Variants in XXYLT1 observed in about 807,000 individuals in gnomAD.
XXYLT1 encodes the protein xyloside xylosyltransferase 1, also known as UDP-xylose:alpha-xyloside alpha-1,3-xylosyltransferase.
A neutral mutation model predicts 28.9 loss-of-function variants in XXYLT1; 20 were observed. That is an observed-to-expected ratio of 0.69 (90% CI 0.49 to 1.00). XXYLT1 has a LOEUF of 1.00. XXYLT1 is among the 50% of genes least tolerant of loss of function. The probability of loss-of-function intolerance (pLI) is 0.00; values close to 1 mark genes in which losing one functional copy is unlikely to be tolerated. For synonymous variants in XXYLT1, 257 were observed against 253.8 expected (o/e 1.01, Z -0.12); for missense variants, 542 against 560.1 (o/e 0.97, Z 0.33).
rs1726016783 is a variant in XXYLT1 at position 195,271,140 on chromosome 3, C to G, written c.-82G>C. ...CCGGACGCCGGCGGCCACTTAGCCC[C>G]GGCGCCAGGCGGCGGCCATGAAAGG... On this transcript the variant is annotated 5_prime_UTR_variant, in exon 1 of 4. Transcript: ENST00000310380. 1.6e-6 allele frequency: 2 copies of G among 1,255,634 alleles called. No homozygotes were observed. Among genetic ancestry groups the G allele is most frequent in the Non-Finnish European group, 2.0e-6 (2 of 1,001,578 alleles). The allele number at this position is 1,255,634 out of a possible 1,614,324, so 77.8% of individuals were successfully genotyped here.
At chr3:195,248,397 A>G (rs1725120510) in intron 1 of XXYLT1, among the ~76,000 whole-genome samples, 1 of 152,210 alleles carries the variant, frequency 6.6e-6, no homozygotes, top group South Asian at 2.1e-4. Context: ...TTTCCCGTGC[A>G]GTTCCTGTGA....
intron 2 of XXYLT1, among the ~76,000 whole-genome samples, chr3:195,204,476 ACTCTCTCTCTCTCT>A (rs61196221): frequency 5.6e-5 from 7 of 125,964 alleles, no homozygotes; most frequent in Admixed American, 3.3e-4. Flanking sequence ...TCACTCTCTC[ACTCTCTCTCTCTCT>A]CTCTCTCTCT....
chr3:195,214,981 A>C, intron 2 of XXYLT1: 1 of 151,726 alleles, frequency 6.6e-6, no homozygotes, highest in Non-Finnish European at 1.5e-5. Context: ...TCTCGGCAGA[A>C]ACCCTACAAG....
At chr3:195,113,310 G>A (rs1016637616) in intron 3 of XXYLT1, among the ~76,000 whole-genome samples, 1 of 152,142 alleles carries the variant, frequency 6.6e-6, no homozygotes, top group Admixed American at 6.5e-5. Flanking sequence ...CACTATCTTC[G>A]ACAAGCCAGG....
rs1382211407 is a variant in XXYLT1 at position 195,264,749 on chromosome 3, GA to G, written c.504+5805del. 2.6e-5 allele frequency among the ~76,000 whole-genome samples: 4 copies of G among 152,170 alleles called. No homozygotes were observed. The South Asian group carries it at 6.2e-4, about 24-fold the overall frequency. Reference sequence around the variant, plus strand: ...AACAACACCCTATGAATGAATACATGAAAAAATGAATACATGCTATAAAAGA... The same window carrying G: ...AACAACACCCTATGAATGAATACATGAAAAATGAATACATGCTATAAAAGA... On this transcript the variant is annotated intron_variant, in intron 1 of 3. Coordinates refer to ENST00000310380, the MANE Select transcript of XXYLT1 (RefSeq NM_152531.5).
At chr3:195,092,084 G>A (rs536249271) in intron 3 of XXYLT1, among the ~76,000 whole-genome samples, 15 of 139,380 alleles carry the variant, frequency 1.1e-4, no homozygotes, top group East Asian at 5.1e-4. Context: ...AATCAATATC[G>A]TGAAAATGGC....
In XXYLT1 at chr3:195,256,614, T is replaced by G; in HGVS notation, c.504+13941A>C. 4.9e-5 allele frequency: 48 copies of G among 976,554 alleles called. No individual in the cohort carries two copies. Among genetic ancestry groups the G allele is most frequent in the Admixed American group, 1.2e-4 (2 of 16,280 alleles). 60.5% of individuals were successfully genotyped at this position (976,554 alleles called of 1,614,324 possible). A position where few individuals can be genotyped will look rare whatever the true frequency, so the allele number is the denominator to read the frequency against. ...TGGGGTCTGGAAAGGGCATGAGCTC[T>G]GTAAGCCCCCAGCACTGTTTATACA... On this transcript the variant is annotated intron_variant, in intron 1 of 3. Coordinates refer to ENST00000310380, the MANE Select transcript of XXYLT1 (RefSeq NM_152531.5). This position sits in a 1 kb window ranked among gnomAD's most constrained non-coding sequence, Gnocchi z 4.2.
chr3:195,227,661 G>T (rs996155745), intron 1 of XXYLT1, among the ~76,000 whole-genome samples: 2 of 152,132 alleles, frequency 1.3e-5, no homozygotes, highest in African/African-American at 4.8e-5. Context: ...AAATAAGGAC[G>T]CAGACACTCA....
At chr3:195,103,361 C>CGCCAGCGGCCTGCGTCCATCACCCCAT (rs1716902477) in intron 3 of XXYLT1, among the ~76,000 whole-genome samples, 2 of 139,292 alleles carry the variant, frequency 1.4e-5, no homozygotes, top group Non-Finnish European at 3.1e-5. Flanking sequence ...CATCACCCCA[C>CGCCAGCGGCCTGCGTCCATCACCCCAT]GCCAGCGGCC....
At chr3:195,153,206 G>C (rs1720372964) in intron 3 of XXYLT1, among the ~76,000 whole-genome samples, 1 of 152,200 alleles carries the variant, frequency 6.6e-6, no homozygotes, top group Non-Finnish European at 1.5e-5. Flanking sequence ...ACACTCCAAA[G>C]CAGCAGATAA....
chr3:195,130,734 T>G (rs77484622), intron 3 of XXYLT1, among the ~76,000 whole-genome samples: 5,203 of 152,190 alleles, frequency 0.034, 166 homozygotes, highest in East Asian at 0.15. Context: ...TGGGCTCAAG[T>G]CAGCACCTTC....
chr3:195,270,290 TG>T, intron 1 of XXYLT1: 5 of 779,352 alleles, frequency 6.4e-6, no homozygotes, highest in Non-Finnish European at 9.5e-6. Context: ...CGGACTCTCC[TG>T]GGGGCTGCGC....
chr3:195,206,345 T>C (rs1486107767), intron 2 of XXYLT1, among the ~76,000 whole-genome samples: 2 of 151,098 alleles, frequency 1.3e-5, no homozygotes, highest in Non-Finnish European at 2.9e-5. Flanking sequence ...TGGGAAAGAC[T>C]CAAGAGTCAA....
At chr3:195,108,690 C>T (rs185961886) in intron 3 of XXYLT1, among the ~76,000 whole-genome samples, 1 of 152,320 alleles carries the variant, frequency 6.6e-6, no homozygotes, top group African/African-American at 2.4e-5. Context: ...ATACTGAATA[C>T]TGTAGATGCC....
intron 3 of XXYLT1, among the ~76,000 whole-genome samples, chr3:195,110,620 GTGTGTGTGTGGTGTGTGA>G (rs149046314): frequency 0.05 from 974 of 19,312 alleles, 9 homozygotes; most frequent in Non-Finnish European, 0.069. Flanking sequence ...CATGTGTGTG[GTGTGTGTGTGGTGTGTGA>G]TGTATAAGTG....
intron 1 of XXYLT1, among the ~76,000 whole-genome samples, chr3:195,252,721 C>CAGAGAGAGAGAGAGAGAG: frequency 7.4e-6 from 1 of 134,924 alleles, no homozygotes; most frequent in African/African-American, 3.2e-5. Context: ...CACACACACA[C>CAGAGAGAGAGAGAGAGAG]ACACACAGAG....
rs1408834205 is a variant in XXYLT1 at position 195,210,882 on chromosome 3, C to A, written c.652+15827G>T. Among the ~76,000 whole-genome samples, 1 of 152,214 alleles carries A rather than the reference C, an allele frequency of 6.6e-6. No individual in the cohort carries two copies. The highest frequency in any genetic ancestry group is 1.5e-5 in the Non-Finnish European group (1 of 68,036). ...CCTTTGCTTTCTTCCACACCAAGAA[C>A]CCCTGCTCCTCCCCCCAGCTGAACG... On this transcript the variant is annotated intron_variant, in intron 2 of 3. Coordinates refer to ENST00000310380, the MANE Select transcript of XXYLT1 (RefSeq NM_152531.5). The surrounding 1 kb of genome is among the most constrained non-coding windows in gnomAD (Gnocchi z 4.8).
intron 1 of XXYLT1, among the ~76,000 whole-genome samples, chr3:195,265,868 G>A (rs1392053971): frequency 6.6e-6 from 1 of 152,192 alleles, no homozygotes; most frequent in Non-Finnish European, 1.5e-5. Flanking sequence ...AAGCCCCCAT[G>A]CCAGCCCAGA....
chr3:195,105,274 C>T (rs1717021119), intron 3 of XXYLT1, among the ~76,000 whole-genome samples: 1 of 152,158 alleles, frequency 6.6e-6, no homozygotes. Flanking sequence ...AAAATTAAAA[C>T]TCTATAATAT....
Sources: gnomAD v4.1 joint callset for allele counts (sites outside exome capture counted in the v4.1 genomes callset) on GRCh38, gnomAD v4.1.1 for gene constraint, Gnocchi (gnomAD v3.1) non-coding constraint, MANE v1.5 for transcripts, NCBI Gene and HGNC (gene_info 2026-07-23, HGNC 2026-07-21) for gene names.